The following PTPRQ variants were observed in gnomAD, a reference collection of about 807,000 sequenced individuals.
PTPRQ encodes the protein phosphatidylinositol phosphatase PTPRQ.
Under a neutral mutation model 246.0 loss-of-function variants are expected in PTPRQ, and 199 were observed. That is an observed-to-expected ratio of 0.81 (90% CI 0.72 to 0.91). The LOEUF (loss-of-function observed/expected upper bound fraction) is 0.91. Ranked by LOEUF, PTPRQ falls within the 40% of genes least tolerant of loss-of-function variation. The pLI, the probability that PTPRQ is intolerant of heterozygous loss-of-function variation, is 0.00. For synonymous variants in PTPRQ, 869 were observed against 853.2 expected, an observed-to-expected ratio of 1.02 and a Z score of -0.32; for missense variants, 2,624 against 2,528.4, an observed-to-expected ratio of 1.04 and a Z score of -0.81.
intron 8 of PTPRQ, among the ~76,000 whole-genome samples, chr12:80,478,492 T>A (rs572160317): frequency 6.6e-6 from 1 of 152,178 alleles, no homozygotes; most frequent in African/African-American, 2.4e-5. Flanking sequence ...TCCAAAGGAA[T>A]GCAGTTCCTC....
At chr12:80,449,003 T>G (rs962439910) in intron 3 of PTPRQ, among the ~76,000 whole-genome samples, 5 of 151,674 alleles carry the variant, frequency 3.3e-5, no homozygotes, top group African/African-American at 1.2e-4. Context: ...AGTGTAAAAG[T>G]GTTCCTATTT....
chr12:80,655,667 A>G (rs1900409765), intron 38 of PTPRQ, among the ~76,000 whole-genome samples: 1 of 151,964 alleles, frequency 6.6e-6, no homozygotes, highest in Non-Finnish European at 1.5e-5. Context: ...GAACAAGCAA[A>G]TAAGATGTTT....
chr12:80,573,560 A>G (rs1472351247), intron 25 of PTPRQ, among the ~76,000 whole-genome samples: 4 of 152,150 alleles, frequency 2.6e-5, no homozygotes, highest in African/African-American at 4.8e-5. Flanking sequence ...ACAGGTATAC[A>G]TGTGCCATGG....
At chr12:80,562,651 C>A (rs895584502) in intron 25 of PTPRQ, among the ~76,000 whole-genome samples, 6 of 151,902 alleles carry the variant, frequency 3.9e-5, no homozygotes, top group Non-Finnish European at 8.8e-5. Flanking sequence ...AAATTTGTAG[C>A]ACTAAGTGAA....
chr12:80,577,957 T>C (rs1897318722), intron 25 of PTPRQ, among the ~76,000 whole-genome samples: 1 of 152,180 alleles, frequency 6.6e-6, no homozygotes, highest in Non-Finnish European at 1.5e-5. Flanking sequence ...ATGAACGGTA[T>C]ACTTACAATC....
In PTPRQ at chr12:80,495,203, A is replaced by T; in HGVS notation, c.1714A>T (p.Ile572Phe). 6.5e-7 allele frequency: 1 copy of T among 1,542,594 alleles called. No individual in the cohort carries two copies. The highest frequency in any genetic ancestry group is 8.7e-7 in the Non-Finnish European group (1 of 1,144,272). Residue 572 changes from isoleucine (I) to phenylalanine (F), a missense_variant, in exon 12 of 45, where the codon ATT (isoleucine) becomes TTT (phenylalanine). Physicochemically the swap from Ile to Phe is conservative, Grantham distance 21. Coordinates refer to ENST00000644991, the MANE Select transcript of PTPRQ (RefSeq NM_001145026.2). ...TTCTTCTTTTTAAGTGCCAAGCTCC[A>T]TTAAAATTATAAACTATAAAAATAT... ...VRTRQQVPSS[I>F]KIINYKNISS...
intron 35 of PTPRQ, among the ~76,000 whole-genome samples, chr12:80,648,146 T>C (rs894605168): frequency 6.6e-6 from 1 of 152,112 alleles, no homozygotes; most frequent in African/African-American, 2.4e-5. Context: ...TTAAAGAATA[T>C]AGTAAAATCC....
chr12:80,680,103 A>G lies in PTPRQ; in HGVS notation c.*1080A>G, dbSNP rs1393389774. ...AGCCTCCATCTTATTAAATAGTGAC[A>G]ATGTGGTAAGTTTTGAATTACATGA... is the stretch of plus-strand genomic sequence containing the variant. On this transcript the variant is annotated 3_prime_UTR_variant, in exon 45 of 45. Transcript: ENST00000644991. The G allele has an allele frequency of 6.6e-6, 1 of 151,828 alleles. No individual in the cohort carries two copies. The highest frequency in any genetic ancestry group is 1.5e-5 in the Non-Finnish European group (1 of 67,868). 9.4% of individuals were successfully genotyped at this position (151,828 alleles called of 1,614,324 possible). A position where few individuals can be genotyped will look rare whatever the true frequency, so the allele number is the denominator to read the frequency against.
At chr12:80,634,178 A>C (rs929047191) in intron 34 of PTPRQ, among the ~76,000 whole-genome samples, 2 of 152,086 alleles carry the variant, frequency 1.3e-5, no homozygotes, top group African/African-American at 4.8e-5. Context: ...CTCTCAACTA[A>C]ATTGTAATGT....
rs1206802661 is a variant in PTPRQ, at chr12:80,451,295, G to T, written c.390+5578G>T. Among the ~76,000 whole-genome samples, 16 of 133,102 alleles carry T rather than the reference G, an allele frequency of 1.2e-4. No individual in the cohort carries two copies. In the South Asian group the frequency reaches 4.4e-3, roughly 36 times the overall value. 87.3% of individuals were successfully genotyped at this position (133,102 alleles called of 152,430 possible). A position where few individuals can be genotyped will look rare whatever the true frequency, so the allele number is the denominator to read the frequency against. ...TTCTTCTTTATTAGTCTTGCTAGCG[G>T]TCTGTCAATTTTGTTGATCCTTTCA... On this transcript the variant is annotated intron_variant, in intron 3 of 44. Coordinates refer to ENST00000644991, the MANE Select transcript of PTPRQ (RefSeq NM_001145026.2).
At chr12:80,620,085 CTA>C in intron 31 of PTPRQ, 67 bp from the exon 32 acceptor site, 1 of 1,449,622 alleles carries the variant, frequency 6.9e-7, no homozygotes, top group Non-Finnish European at 9.1e-7. Context: ...TATAAAAACA[CTA>C]TTTATAATTG....
chr12:80,494,922 A>G lies in PTPRQ; in HGVS notation c.1541-11A>G, dbSNP rs75959595. On this transcript the variant is annotated splice_polypyrimidine_tract_variant and intron_variant, in intron 10 of 44. Coordinates refer to ENST00000644991, the MANE Select transcript of PTPRQ (RefSeq NM_001145026.2). ...CCTTTCTTTTTTTCTCTTTTTACTG[A>G]ATTCAAACAGTAACTACAAGGAATC... 5,924 of 1,516,374 alleles carry G rather than the reference A, an allele frequency of 3.9e-3. 182 individuals are homozygous for G. In the African/African-American group the frequency reaches 0.069, roughly 18 times the overall value. The allele number at this position is 1,516,374 out of a possible 1,614,324, so 93.9% of individuals were successfully genotyped here.
chr12:80,602,517 T>C (rs1004297314), intron 26 of PTPRQ, among the ~76,000 whole-genome samples: 3 of 151,758 alleles, frequency 2.0e-5, no homozygotes, highest in Non-Finnish European at 4.4e-5. Flanking sequence ...GCTTATCTGG[T>C]GAGGGTTGCA....
In PTPRQ at chr12:80,642,918, T is replaced by TCAAAAAAAAAAAAAA. The variant is rs1400331385; in HGVS notation, c.5916-5979_5916-5978insCAAAAAAAAAAAAAA. Reference sequence around the variant, plus strand: ...CTGGGCGACAGAGCGAGACTCCGTCTTAAAAAAAAAAAAAAAAAAAAAAAA... The same window carrying TCAAAAAAAAAAAAAA: ...CTGGGCGACAGAGCGAGACTCCGTCTCAAAAAAAAAAAAAATAAAAAAAAAAAAAAAAAAAAAAAA... On this transcript the variant is annotated intron_variant, in intron 35 of 44. Transcript: ENST00000644991. 2.9e-5 allele frequency among the ~76,000 whole-genome samples: 2 copies of TCAAAAAAAAAAAAAA among 69,390 alleles called. 1 individual carries two copies. Among genetic ancestry groups the TCAAAAAAAAAAAAAA allele is most frequent in the African/African-American group, 2.7e-4 (2 of 7,536 alleles). The allele number at this position is 69,390 out of a possible 152,430, so 45.5% of individuals were successfully genotyped here.
chr12:80,573,893 G>T (rs1407512078), intron 25 of PTPRQ, among the ~76,000 whole-genome samples: 3 of 151,992 alleles, frequency 2.0e-5, no homozygotes. Flanking sequence ...TTTGCCATAA[G>T]GTTCTATGTA....
intron 8 of PTPRQ, among the ~76,000 whole-genome samples, chr12:80,473,037 TCA>T (rs1491427054): frequency 1.7e-5 from 2 of 120,340 alleles, no homozygotes; most frequent in East Asian, 5.2e-4. Flanking sequence ...ACACACACAC[TCA>T]CACACACGCA....
chr12:80,467,193 G>A (rs188350350), intron 6 of PTPRQ, among the ~76,000 whole-genome samples: 8,427 of 151,530 alleles, frequency 0.056, 279 homozygotes, highest in African/African-American at 0.073. Context: ...AAAAGTGGGC[G>A]AAGGACATGA....
Position 80,661,731 on chromosome 12 carries a change from G to A in PTPRQ, c.6192+3670G>A, listed in dbSNP as rs534297320. On this transcript the variant is annotated intron_variant, in intron 39 of 44. Transcript: ENST00000644991. ...AAAACCTGTTCAAGGACATTGATAG[G>A]CACTAAAATGTCATTATTTCCTGTA... Among the ~76,000 whole-genome samples the A allele has an allele frequency of 3.3e-5, 5 of 151,596 alleles. No individual in the cohort carries two copies. The South Asian group carries it at 1.0e-3, about 32-fold the overall frequency.
chr12:80,454,500 C>CTG, intron 3 of PTPRQ: 1 of 702,348 alleles, frequency 1.4e-6, no homozygotes, highest in Admixed American at 2.0e-5. Context: ...CCTTCCAGTA[C>CTG]TGTGTTCAAT....
Sources: gnomAD v4.1 joint callset for allele counts (sites outside exome capture counted in the v4.1 genomes callset) on GRCh38, gnomAD v4.1.1 for gene constraint, MANE v1.5 for transcripts, NCBI Gene and HGNC (gene_info 2026-07-23, HGNC 2026-07-21) for gene names.